Variants in CHODL observed in about 807,000 individuals in gnomAD.
CHODL encodes the protein transmembrane protein MT75.
In CHODL, 29 loss-of-function variants were observed where a neutral mutation model predicts 34.5. The observed-to-expected ratio is 0.84, with a 90% CI of 0.63 to 1.15. The LOEUF (loss-of-function observed/expected upper bound fraction) is 1.15, where lower values mean the gene tolerates loss of function less well. Among genes scored for constraint, CHODL ranks in the 50% most tolerant of loss-of-function variants. CHODL has a pLI of 0.00. For missense variants in CHODL, 332 were observed against 332.5 expected, an observed-to-expected ratio of 1.00 and a Z score of 0.01; for synonymous variants, 125 against 116.1, an observed-to-expected ratio of 1.08 and a Z score of -0.49.
intron 2 of CHODL, among the ~76,000 whole-genome samples, chr21:18,171,070 G>T (rs1042855624): frequency 1.4e-5 from 2 of 141,224 alleles, no homozygotes; most frequent in African/African-American, 2.6e-5. Context: ...CTTATTTTAG[G>T]ATTATTATTT....
chr21:18,189,906 A>G (rs2073491365), intron 2 of CHODL, among the ~76,000 whole-genome samples: 1 of 152,134 alleles, frequency 6.6e-6, no homozygotes, highest in South Asian at 2.1e-4. Flanking sequence ...AAGTGCTGGG[A>G]TTACAGGCAT....
chr21:18,181,527 C>T (rs34651475), intron 2 of CHODL, among the ~76,000 whole-genome samples: 2,593 of 152,278 alleles, frequency 0.017, 34 homozygotes, highest in Non-Finnish European at 0.026. Flanking sequence ...CTCAGCCTCC[C>T]GAGTAGCTGG....
At chr21:18,119,848 T>C (rs1453823334) in intron 2 of CHODL, among the ~76,000 whole-genome samples, 3 of 152,228 alleles carry the variant, frequency 2.0e-5, no homozygotes, top group African/African-American at 4.8e-5. Context: ...AAACAAAGTA[T>C]GCAGGTCATC....
At chr21:18,069,784 A>G (rs1161644466) in intron 2 of CHODL, among the ~76,000 whole-genome samples, 2 of 152,026 alleles carry the variant, frequency 1.3e-5, no homozygotes, top group Non-Finnish European at 2.9e-5. Context: ...TTATTTTTAA[A>G]TTTTTTGTAA....
chr21:18,125,204 A>T (rs1369229953), intron 2 of CHODL, among the ~76,000 whole-genome samples: 1 of 152,208 alleles, frequency 6.6e-6, no homozygotes, highest in African/African-American at 2.4e-5. Flanking sequence ...TGCTATAAGG[A>T]TTTACTGAAA....
intron 2 of CHODL, among the ~76,000 whole-genome samples, chr21:18,084,982 G>A (rs1417792589): frequency 1.3e-5 from 2 of 149,726 alleles, no homozygotes; most frequent in Non-Finnish European, 3.0e-5. Context: ...CTCCAATGTT[G>A]GGTGCATGTA....
intron 2 of CHODL, among the ~76,000 whole-genome samples, chr21:18,165,417 C>T (rs17002426): frequency 6.6e-6 from 1 of 152,188 alleles, no homozygotes. Flanking sequence ...ATTTATTATA[C>T]ATTCTGGTAT....
intron 1 of CHODL, among the ~76,000 whole-genome samples, chr21:17,986,407 A>C (rs1488402539): frequency 1.3e-5 from 2 of 150,822 alleles, no homozygotes; most frequent in East Asian, 3.9e-4. Flanking sequence ...GAGTGAGAAC[A>C]TGAGGTGTTT....
intron 2 of CHODL, among the ~76,000 whole-genome samples, chr21:18,077,444 A>G (rs1266851100): frequency 6.6e-6 from 1 of 152,194 alleles, no homozygotes; most frequent in Non-Finnish European, 1.5e-5. Flanking sequence ...TATATTTTGC[A>G]GGATTGAAGG....
intron 2 of CHODL, among the ~76,000 whole-genome samples, chr21:18,084,492 T>C (rs1396858173): frequency 3.3e-5 from 5 of 152,192 alleles, no homozygotes; most frequent in African/African-American, 1.2e-4. Context: ...GAGAAAAATT[T>C]TAAAATTTGC....
At chr21:17,956,351 C>CCT (rs2063493812) in intron 1 of CHODL, among the ~76,000 whole-genome samples, 1 of 136,264 alleles carries the variant, frequency 7.3e-6, no homozygotes, top group African/African-American at 2.5e-5. Flanking sequence ...TTGAAAGCCT[C>CCT]CTGAGGCCCC....
At chr21:18,151,817 TC>T (rs2146628465) in intron 2 of CHODL, among the ~76,000 whole-genome samples, 1 of 152,304 alleles carries the variant, frequency 6.6e-6, no homozygotes, top group South Asian at 2.1e-4. Context: ...ACTGAAGTCT[TC>T]TGTGTTGACT....
intron 2 of CHODL, among the ~76,000 whole-genome samples, chr21:18,136,361 T>C (rs1053274272): frequency 5.9e-5 from 9 of 152,190 alleles, no homozygotes; most frequent in Middle Eastern, 3.4e-3. Context: ...CTCAAAATCA[T>C]TGAGCACCAC....
At chr21:18,132,080 G>C (rs1213818147) in intron 2 of CHODL, among the ~76,000 whole-genome samples, 1 of 151,918 alleles carries the variant, frequency 6.6e-6, no homozygotes, top group African/African-American at 2.4e-5. Context: ...CTTTGTCAAA[G>C]TTCTTTTTTT....
intron 2 of CHODL, among the ~76,000 whole-genome samples, chr21:18,130,216 C>A (rs954493668): frequency 2.0e-5 from 3 of 152,086 alleles, no homozygotes. Flanking sequence ...TGGTAATAAT[C>A]GTATCTTTGT....
In CHODL at chr21:17,954,708, C is replaced by T. The variant is rs563739167; in HGVS notation, c.-145+37308C>T. On this transcript the variant is annotated intron_variant, in intron 1 of 6. Coordinates refer to the CHODL transcript ENST00000400127. ...GCTTCAGACTCAGGCTGGAAGTACA[C>T]CACCAGCTTTCCTGAATCTCCAGCT... Among the ~76,000 whole-genome samples, 6 of 133,904 alleles carry T rather than the reference C, an allele frequency of 4.5e-5. 2 individuals are homozygous for T. The East Asian group carries it at 1.3e-3, about 29-fold the overall frequency. 87.8% of individuals were successfully genotyped at this position (133,904 alleles called of 152,430 possible). A position where few individuals can be genotyped will look rare whatever the true frequency, so the allele number is the denominator to read the frequency against.
chr21:18,006,834 C>A (rs1338041404), intron 1 of CHODL, among the ~76,000 whole-genome samples: 4 of 152,216 alleles, frequency 2.6e-5, no homozygotes, highest in Admixed American at 2.6e-4. Flanking sequence ...CACTCTGCCA[C>A]CCTTTTGCAA....
chr21:18,190,320 T>C (rs1200864578), intron 2 of CHODL, among the ~76,000 whole-genome samples: 1 of 152,174 alleles, frequency 6.6e-6, no homozygotes, highest in Non-Finnish European at 1.5e-5. Context: ...AAGCTACTTA[T>C]AGGTAGATTT....
intron 5 of CHODL, among the ~76,000 whole-genome samples, chr21:18,263,156 G>T (rs1236372750): frequency 6.6e-6 from 1 of 152,002 alleles, no homozygotes. Context: ...AGTCTGCCTT[G>T]GGTACCATAG....
Sources: gnomAD v4.1 joint callset for allele counts (sites outside exome capture counted in the v4.1 genomes callset) on GRCh38, gnomAD v4.1.1 for gene constraint, MANE v1.5 for transcripts, NCBI Gene and HGNC (gene_info 2026-07-23, HGNC 2026-07-21) for gene names.